Variants in LTN1 observed in about 807,000 individuals in gnomAD.
The protein encoded by LTN1 is listerin E3 ubiquitin protein ligase 1.
A neutral mutation model predicts 201.2 loss-of-function variants in LTN1; 88 were observed. That is an observed-to-expected ratio of 0.44 (90% confidence interval 0.37 to 0.52). The LOEUF (loss-of-function observed/expected upper bound fraction) is 0.52. Ranked by LOEUF, LTN1 falls within the 20% of genes least tolerant of loss-of-function variation. LTN1 has a pLI of 0.00. For missense variants in LTN1, 1,752 were observed against 2,038.7 expected, an observed-to-expected ratio of 0.86 and a Z score of 2.71; for synonymous variants, 645 against 713.5, an observed-to-expected ratio of 0.90 and a Z score of 1.53.
intron 1 of LTN1, among the ~76,000 whole-genome samples, chr21:28,989,743 C>G (rs1195786392): frequency 6.6e-6 from 1 of 152,160 alleles, no homozygotes; most frequent in Non-Finnish European, 1.5e-5. Context: ...CATGGTGGCT[C>G]ACACCTGTAA....
rs544120505 is a variant in LTN1 at position 28,959,528 on chromosome 21, T to C, written c.2523A>G (p.Pro841=). ...FSSAKGCLLM[P]SSEDLLLTLF... Reference sequence around the variant, plus strand: ...GAGTTAATAATAAATCTTCAGATGATGGCATTAGCAAGCATCCTTTCGCTG... The same window carrying C: ...GAGTTAATAATAAATCTTCAGATGACGGCATTAGCAAGCATCCTTTCGCTG... Residue 841 remains proline (P), a synonymous_variant, in exon 13 of 30, where the codon CCA becomes CCG. Transcript: ENST00000361371. The C allele has an allele frequency of 5.0e-6, 8 of 1,614,086 alleles. No individual in the cohort carries two copies. In the East Asian group the frequency reaches 1.3e-4, roughly 27 times the overall value.
chr21:28,953,930 G>A (rs1171298958), intron 16 of LTN1, among the ~76,000 whole-genome samples: 1 of 152,072 alleles, frequency 6.6e-6, no homozygotes, highest in African/African-American at 2.4e-5. Context: ...CATAAAGCCT[G>A]GTATATCATA....
Position 28,928,323 on chromosome 21 carries a change from CT to C in LTN1, c.*2124del, listed in dbSNP as rs1241983253. 1 of 152,458 alleles carries C rather than the reference CT, an allele frequency of 6.6e-6. No individual in the cohort carries two copies. Among genetic ancestry groups the C allele is most frequent in the Non-Finnish European group, 1.5e-5 (1 of 67,990 alleles). 9.4% of individuals were successfully genotyped at this position (152,458 alleles called of 1,614,324 possible). On this transcript the variant is annotated 3_prime_UTR_variant, in exon 30 of 30. Coordinates refer to ENST00000361371, the MANE Select transcript of LTN1 (RefSeq NM_015565.3). ...AACAATCAAATAATAACATTAATTA[CT>C]TGCACCACAAAAATGTATCAAATAA...
intron 9 of LTN1, among the ~76,000 whole-genome samples, chr21:28,968,635 T>C (rs2084545893): frequency 6.6e-6 from 1 of 152,070 alleles, no homozygotes; most frequent in African/African-American, 2.4e-5. Context: ...TTTTCTGAGA[T>C]GGAGTTTCAC....
intron 12 of LTN1, 62 bp from the exon 13 acceptor site, chr21:28,959,759 C>A: frequency 2.2e-6 from 3 of 1,340,094 alleles, no homozygotes; most frequent in South Asian, 3.0e-5. Flanking sequence ...TTTTAAATAT[C>A]TTACTTTGGA....
rs76437454 is a variant in LTN1 at position 28,936,746 on chromosome 21, T to C, written c.4483-49A>G. On this transcript the variant is annotated intron_variant, in intron 25 of 29. Transcript: ENST00000361371. ...TAGTAAACCAAATACACCAAGACAA[T>C]TGGTATAAAAGAACAACTCAAAGTG... The C allele has an allele frequency of 3.8e-3, 5,531 of 1,449,504 alleles. 179 individuals carry two copies. In the African/African-American group the frequency reaches 0.066, roughly 17 times the overall value. The allele number at this position is 1,449,504 out of a possible 1,614,324, so 89.8% of individuals were successfully genotyped here.
rs772189278 is a variant in LTN1 at position 28,930,022 on chromosome 21, A to T, written c.*426T>A. On this transcript the variant is annotated 3_prime_UTR_variant, in exon 30 of 30. Transcript: ENST00000361371. Reference sequence around the variant, plus strand: ...CTAATAAATAAGGCTTAAAATATCTATAGATGTAAATCAGCTCTCTCAGTT... The same window carrying T: ...CTAATAAATAAGGCTTAAAATATCTTTAGATGTAAATCAGCTCTCTCAGTT... 1 of 153,512 alleles carries T rather than the reference A, an allele frequency of 6.5e-6. No individual in the cohort carries two copies. The highest frequency in any genetic ancestry group is 2.4e-5 in the African/African-American group (1 of 41,506). 9.5% of individuals were successfully genotyped at this position (153,512 alleles called of 1,614,324 possible). A position where few individuals can be genotyped will look rare whatever the true frequency, so the allele number is the denominator to read the frequency against.
chr21:28,963,383 T>C (rs1368868368), intron 11 of LTN1, among the ~76,000 whole-genome samples: 1 of 152,208 alleles, frequency 6.6e-6, no homozygotes, highest in Non-Finnish European at 1.5e-5. Flanking sequence ...AACCTTATGC[T>C]AAATCTACTT....
chr21:28,969,707 T>G, intron 8 of LTN1, 106 bp from the exon 9 acceptor site: 3 of 684,734 alleles, frequency 4.4e-6, no homozygotes, highest in Admixed American at 3.2e-5. Context: ...AAGAAACATT[T>G]TTAAAGCAGT....
rs751381770 is a variant in LTN1, at chr21:28,943,279, T to C, written c.4278A>G (p.Glu1426=). The C allele has an allele frequency of 1.2e-6, 2 of 1,600,832 alleles. No individual in the cohort carries two copies. The highest frequency in any genetic ancestry group is 1.7e-5 in the Admixed American group (1 of 59,150). The change falls in exon 24 of 30, where the codon GAA becomes GAG. Residue 1426 remains glutamate, a synonymous_variant. Coordinates refer to ENST00000361371, the MANE Select transcript of LTN1 (RefSeq NM_015565.3). ...DQDNLKSYGD[E]EEEPALSPPA... ...AACCTTACAAGGCTGGCTCTTCTTC[T>C]TCATCTCCGTATGACTTTAGATTAT...
intron 6 of LTN1, among the ~76,000 whole-genome samples, chr21:28,972,112 AG>A (rs2084579837): frequency 6.6e-6 from 1 of 152,168 alleles, no homozygotes; most frequent in African/African-American, 2.4e-5. Flanking sequence ...GAATAGGATC[AG>A]AGGGCCCTTA....
chr21:28,976,835 C>T (rs2146309546), intron 6 of LTN1, among the ~76,000 whole-genome samples: 1 of 152,292 alleles, frequency 6.6e-6, no homozygotes, highest in East Asian at 1.9e-4. Context: ...AAGCTCACTG[C>T]AGCCTCAATC....
intron 1 of LTN1, among the ~76,000 whole-genome samples, chr21:28,987,340 T>C (rs1310977699): frequency 6.6e-6 from 1 of 152,246 alleles, no homozygotes; most frequent in Non-Finnish European, 1.5e-5. Context: ...ATAGTATGTA[T>C]ACACATATGT....
chr21:28,982,291 G>A, intron 5 of LTN1, 25 bp downstream of exon 5: 1 of 1,590,518 alleles, frequency 6.3e-7, no homozygotes, highest in Non-Finnish European at 8.6e-7. Flanking sequence ...CTTAACATGA[G>A]TTACAATGAA....
chr21:28,934,890 A>T (rs1268412328), intron 27 of LTN1, among the ~76,000 whole-genome samples: 2 of 152,158 alleles, frequency 1.3e-5, no homozygotes, highest in Non-Finnish European at 2.9e-5. Flanking sequence ...TTTGACACAC[A>T]AATTAGAAAA....
rs368217622 is a variant in LTN1 at position 28,964,165 on chromosome 21, AAAG to A, written c.2163+1697_2163+1699del. 5.8e-3 allele frequency among the ~76,000 whole-genome samples: 878 copies of A among 152,332 alleles called. 6 individuals are homozygous for A. Among genetic ancestry groups the A allele is most frequent in the Non-Finnish European group, 9.4e-3 (642 of 68,028 alleles). On this transcript the variant is annotated intron_variant, in intron 11 of 29. Coordinates refer to ENST00000361371, the MANE Select transcript of LTN1 (RefSeq NM_015565.3). Reference sequence around the variant, plus strand: ...TTTGAAAGGATTGACTCCAATTTTGAAAGAAGTTCTTCTTTGGGTAAAATGCTA... The same window carrying A: ...TTTGAAAGGATTGACTCCAATTTTGAAAGTTCTTCTTTGGGTAAAATGCTA...
intron 26 of LTN1, 74 bp from the exon 27 acceptor site, chr21:28,935,403 C>A: frequency 1.1e-6 from 1 of 922,716 alleles, no homozygotes; most frequent in South Asian, 1.5e-5. Flanking sequence ...TTAGTATTTT[C>A]TTTAGAAAGT....
At chr21:28,945,114 G>T (rs1281589668) in intron 21 of LTN1, among the ~76,000 whole-genome samples, 1 of 152,096 alleles carries the variant, frequency 6.6e-6, no homozygotes, top group Non-Finnish European at 1.5e-5. Flanking sequence ...CCTGCTATTT[G>T]AGAGGCTGAG....
rs748872007 is a variant in LTN1 at position 28,966,960 on chromosome 21, ACTCAACATCAGCTTCTGG to A, written c.1513_1530del (p.Pro505_Glu510del). On this transcript the variant is annotated inframe_deletion, in exon 10 of 30. Coordinates refer to ENST00000361371, the MANE Select transcript of LTN1 (RefSeq NM_015565.3). ...AATAGGTTAGATACACCCAAAACGG[ACTCAACATCAGCTTCTGG>A]CTCACTGATTTTCGCAACACAGATC... 5 of 1,613,720 alleles carry A rather than the reference ACTCAACATCAGCTTCTGG, an allele frequency of 3.1e-6. No homozygotes were observed. Among genetic ancestry groups the A allele is most frequent in the African/African-American group, 1.3e-5 (1 of 74,818 alleles).
Sources: allele counts gnomAD v4.1 joint callset (sites outside exome capture counted in the v4.1 genomes callset), GRCh38; gene constraint gnomAD v4.1.1; transcripts MANE v1.5; gene names NCBI Gene and HGNC (gene_info 2026-07-23, HGNC 2026-07-21).